The following MFSD1 variants were observed in gnomAD, a reference collection of about 807,000 sequenced individuals.
The protein encoded by MFSD1 is lysosomal dipeptide transporter MFSD1.
In MFSD1, 59 loss-of-function variants were observed where a neutral mutation model predicts 67.1. The ratio of observed to expected loss-of-function variants is 0.88; its 90% CI spans 0.71 to 1.09. The LOEUF (loss-of-function observed/expected upper bound fraction) is 1.09. Among genes scored for constraint, MFSD1 ranks in the 50% least tolerant of loss-of-function variants. The probability of loss-of-function intolerance (pLI) is 0.00; values close to 1 mark genes in which losing one functional copy is unlikely to be tolerated. For synonymous variants in MFSD1, 213 were observed against 200.3 expected (o/e 1.06, Z -0.54); for missense variants, 552 against 566.1 (o/e 0.97, Z 0.25).
intron 7 of MFSD1, among the ~76,000 whole-genome samples, chr3:158,815,356 C>CTTTTTTTTTT: frequency 7.4e-6 from 1 of 134,326 alleles, no homozygotes. Context: ...CTTGTAGTGT[C>CTTTTTTTTTT]TTTTTTTTTT....
rs1420204373 is a variant in MFSD1 at position 158,826,032 on chromosome 3, G to A, written c.1306G>A (p.Val436Ile). ...ACVSLSLLSVVLLYLVNRAQG... is the reference protein window; with the variant it reads ...ACVSLSLLSVILLYLVNRAQG... ...ACTCCTAGTGTCACTTTTATCTGTGGTCTTACTCTATTTGGTGAATCGTGC... is the reference window on the plus strand; with the variant it reads ...ACTCCTAGTGTCACTTTTATCTGTGATCTTACTCTATTTGGTGAATCGTGC... The change falls in exon 14 of 16, where the codon GTC (valine) becomes ATC (isoleucine). Residue 436 changes from valine to isoleucine, a missense_variant. By Grantham distance (29) the Val-to-Ile change is conservative. Transcript: ENST00000415822. 6.2e-7 allele frequency: 1 copy of A among 1,613,430 alleles called. No homozygotes were observed. Among genetic ancestry groups the A allele is most frequent in the Middle Eastern group, 1.7e-4 (1 of 6,042 alleles).
At chr3:158,820,517 T>C (rs1207847103) in intron 9 of MFSD1, among the ~76,000 whole-genome samples, 191 bp downstream of exon 9, 1 of 152,220 alleles carries the variant, frequency 6.6e-6, no homozygotes, top group Non-Finnish European at 1.5e-5. Context: ...ATACTTTTAT[T>C]ATTCTTTTGA....
chr3:158,802,465 C>A, intron 1 of MFSD1, 150 bp downstream of exon 1: 1 of 916,854 alleles, frequency 1.1e-6, no homozygotes, highest in Non-Finnish European at 1.7e-6. Flanking sequence ...CCTTTGCGAT[C>A]GATTCCAGCC....
chr3:158,827,481 C>A, intron 15 of MFSD1, 144 bp downstream of exon 15: 1 of 480,380 alleles, frequency 2.1e-6, no homozygotes, highest in Non-Finnish European at 3.6e-6. Flanking sequence ...GTGGCATGGT[C>A]ACAGCTCACT....
intron 3 of MFSD1, among the ~76,000 whole-genome samples, chr3:158,806,219 T>G (rs1433394630): frequency 2.0e-5 from 3 of 152,202 alleles, no homozygotes; most frequent in Non-Finnish European, 4.4e-5. Context: ...AGAGTTAAAA[T>G]ATGAAGGAAG....
chr3:158,824,148 G>T lies in MFSD1; in HGVS notation c.1200G>T (p.Gly400=), dbSNP rs753592056. 5 of 1,612,534 alleles carry T rather than the reference G, an allele frequency of 3.1e-6. No individual in the cohort carries two copies. In the African/African-American group the frequency reaches 6.7e-5, roughly 22 times the overall value. Residue 400 remains glycine (G), a synonymous_variant, in exon 13 of 16, where the codon GGG becomes GGT. Coordinates refer to ENST00000415822, the MANE Select transcript of MFSD1 (RefSeq NM_022736.4). The part of the protein sequence containing the change: ...YGFMQSIQNL[G]LAIISIIAGM... ...GCATGCAGTCCATTCAGAATCTTGG[G>T]TTGGCCATCATTTCCATCATTGCTG...
chr3:158,823,782 CT>C (rs1265323644), intron 12 of MFSD1, among the ~76,000 whole-genome samples: 1 of 152,142 alleles, frequency 6.6e-6, no homozygotes, highest in Admixed American at 6.5e-5. Context: ...TTATGTGAGG[CT>C]TCTTAGTGAG....
chr3:158,804,250 G>T (rs190431420), intron 1 of MFSD1, 69 bp from the exon 2 acceptor site: 37 of 1,112,030 alleles, frequency 3.3e-5, no homozygotes, highest in Non-Finnish European at 4.2e-5. Context: ...TGTAATTTCA[G>T]TAGCAACTGC....
chr3:158,807,659 A>G (rs1285171633), intron 5 of MFSD1, among the ~76,000 whole-genome samples, 196 bp downstream of exon 5: 2 of 152,058 alleles, frequency 1.3e-5, no homozygotes, highest in South Asian at 2.1e-4. Flanking sequence ...GTCCTAATCA[A>G]CTCTGTGTGG....
Position 158,823,414 on chromosome 3 carries a change from G to A in MFSD1, c.1078-14G>A, listed in dbSNP as rs368696367. ...AATGTAAGACTGTGACCTTTTCTGC[G>A]TTGCTTTCTGTAGTGTCTTCTGGGA... is the stretch of plus-strand genomic sequence containing the variant. On this transcript the variant is annotated splice_polypyrimidine_tract_variant and intron_variant, in intron 11 of 15. Transcript: ENST00000415822. The A allele has an allele frequency of 1.3e-5, 21 of 1,577,588 alleles. No homozygotes were observed. The highest frequency in any genetic ancestry group is 1.2e-4 in the African/African-American group (9 of 74,132).
At chr3:158,816,362 G>A (rs1191422190) in intron 7 of MFSD1, among the ~76,000 whole-genome samples, 1 of 152,158 alleles carries the variant, frequency 6.6e-6, no homozygotes, top group Non-Finnish European at 1.5e-5. Flanking sequence ...GGTGTGAGAT[G>A]GTATCTCATT....
chr3:158,821,141 C>G (rs925497636), intron 9 of MFSD1, among the ~76,000 whole-genome samples: 8 of 152,174 alleles, frequency 5.3e-5, no homozygotes, highest in African/African-American at 1.7e-4. Context: ...TTCTACTTCT[C>G]TCTCCTTTTT....
intron 13 of MFSD1, among the ~76,000 whole-genome samples, chr3:158,825,637 A>G (rs1730927638): frequency 1.3e-5 from 2 of 152,266 alleles, no homozygotes; most frequent in South Asian, 2.1e-4. Context: ...AAAGACTACT[A>G]TTTGGCTTCC....
chr3:158,826,041 T>C lies in MFSD1; in HGVS notation c.1315T>C (p.Tyr439His), dbSNP rs1730948573. The change falls in exon 14 of 16, where the codon TAT becomes CAT. Residue 439 changes from tyrosine (Y) to histidine (H), a missense_variant. Coordinates refer to ENST00000415822, the MANE Select transcript of MFSD1 (RefSeq NM_022736.4). Reference sequence around the variant, plus strand: ...GTCACTTTTATCTGTGGTCTTACTCTATTTGGTGAATCGTGCCCAGGGTAA... The same window carrying C: ...GTCACTTTTATCTGTGGTCTTACTCCATTTGGTGAATCGTGCCCAGGGTAA... ...SLSLLSVVLLYLVNRAQGGNL... is the reference protein window; with the variant it reads ...SLSLLSVVLLHLVNRAQGGNL... 3 of 1,613,690 alleles carry C rather than the reference T, an allele frequency of 1.9e-6. No individual in the cohort carries two copies. Among genetic ancestry groups the C allele is most frequent in the Non-Finnish European group, 1.7e-6 (2 of 1,179,696 alleles).
chr3:158,811,077 C>T (rs1330107513), intron 6 of MFSD1, among the ~76,000 whole-genome samples: 4 of 152,178 alleles, frequency 2.6e-5, no homozygotes, highest in African/African-American at 9.7e-5. Flanking sequence ...AAGCTGCATT[C>T]TGAGGAGCCC....
intron 15 of MFSD1, among the ~76,000 whole-genome samples, chr3:158,827,621 G>T (rs962275617): frequency 1.3e-5 from 2 of 151,774 alleles, no homozygotes; most frequent in African/African-American, 4.8e-5. Context: ...TTGCCATGTT[G>T]CCCAGGCTGG....
rs553706684 is a variant in MFSD1, at chr3:158,804,444, C to G, written c.216+73C>G. On this transcript the variant is annotated intron_variant, in intron 2 of 15. Coordinates refer to ENST00000415822, the MANE Select transcript of MFSD1 (RefSeq NM_022736.4). Reference sequence around the variant, plus strand: ...TGTAGCGGTGGAGGCATTATCAACCCTCAGGTGCCCTAGTCTCACGTGTCC... The same window carrying G: ...TGTAGCGGTGGAGGCATTATCAACCGTCAGGTGCCCTAGTCTCACGTGTCC... The G allele has an allele frequency of 2.1e-5, 25 of 1,211,676 alleles. No individual in the cohort carries two copies. In the East Asian group the frequency reaches 5.6e-4, roughly 27 times the overall value. 75.1% of individuals were successfully genotyped at this position (1,211,676 alleles called of 1,614,324 possible). A position where few individuals can be genotyped will look rare whatever the true frequency, so the allele number is the denominator to read the frequency against.
chr3:158,811,170 G>T (rs112732731), intron 6 of MFSD1, among the ~76,000 whole-genome samples: 20 of 152,260 alleles, frequency 1.3e-4, no homozygotes, highest in Admixed American at 4.6e-4. Flanking sequence ...TGTAGAGTGT[G>T]GGGGAAAAAC....
At chr3:158,819,329 A>G (rs979370427) in intron 7 of MFSD1, among the ~76,000 whole-genome samples, 3 of 152,236 alleles carry the variant, frequency 2.0e-5, no homozygotes, top group African/African-American at 4.8e-5. Context: ...AATGAGGACT[A>G]CATCAGTAGC....
Sources: allele counts gnomAD v4.1 joint callset (sites outside exome capture counted in the v4.1 genomes callset), GRCh38; gene constraint gnomAD v4.1.1; transcripts MANE v1.5; gene names NCBI Gene and HGNC (gene_info 2026-07-23, HGNC 2026-07-21).